Variants in PAK5 observed in about 807,000 individuals in gnomAD.
The protein encoded by PAK5 is serine/threonine-protein kinase PAK 5.
In PAK5, 16 loss-of-function variants were observed where a neutral mutation model predicts 65.9. The observed-to-expected ratio is 0.24, with a 90% CI of 0.16 to 0.37. The LOEUF (loss-of-function observed/expected upper bound fraction) is 0.37. Among genes scored for constraint, PAK5 ranks in the 10% least tolerant of loss-of-function variants. The pLI, the probability that PAK5 is intolerant of heterozygous loss-of-function variation, is 1.00. For synonymous variants in PAK5, 371 were observed against 354.9 expected, an observed-to-expected ratio of 1.05 and a Z score of -0.51; for missense variants, 785 against 903.9, an observed-to-expected ratio of 0.87 and a Z score of 1.69.
chr20:9,723,053 T>C (rs374351592), intron 1 of PAK5, among the ~76,000 whole-genome samples: 4 of 152,078 alleles, frequency 2.6e-5, no homozygotes, highest in East Asian at 3.9e-4. Flanking sequence ...ATTTTATTGG[T>C]CTTACAATAA....
chr20:9,657,978 T>C (rs1406670682), intron 2 of PAK5, among the ~76,000 whole-genome samples: 2 of 152,150 alleles, frequency 1.3e-5, no homozygotes, highest in Non-Finnish European at 2.9e-5. Context: ...GACACTAATA[T>C]CCAAATACAC....
At chr20:9,654,180 C>G (rs1198719833) in intron 2 of PAK5, among the ~76,000 whole-genome samples, 1 of 152,030 alleles carries the variant, frequency 6.6e-6, no homozygotes, top group Non-Finnish European at 1.5e-5. Context: ...TCCATGTTGG[C>G]CAGGCTGTTC....
At chr20:9,677,045 ATG>A (rs4053117) in intron 2 of PAK5, among the ~76,000 whole-genome samples, 11,697 of 141,056 alleles carry the variant, frequency 0.083, 517 homozygotes, top group Non-Finnish European at 0.11. Context: ...GGGTATGTGC[ATG>A]TGTGTGTGTG....
intron 1 of PAK5, among the ~76,000 whole-genome samples, chr20:9,798,475 A>G (rs2049131230): frequency 6.6e-6 from 1 of 152,126 alleles, no homozygotes; most frequent in Non-Finnish European, 1.5e-5. Flanking sequence ...TTCAGACACC[A>G]GCTGATTTAC....
intron 2 of PAK5, among the ~76,000 whole-genome samples, chr20:9,694,537 C>T (rs2047842856): frequency 6.6e-6 from 1 of 151,992 alleles, no homozygotes; most frequent in African/African-American, 2.4e-5. Context: ...ATGCTAGAAG[C>T]CTTCCTCAAG....
intron 6 of PAK5, among the ~76,000 whole-genome samples, chr20:9,558,798 GGGAA>G (rs2045550536): frequency 6.6e-6 from 1 of 152,166 alleles, no homozygotes; most frequent in African/African-American, 2.4e-5. Context: ...AATGGACCAT[GGGAA>G]TGAGAAACGA....
Position 9,557,642 on chromosome 20 carries a change from T to A in PAK5, c.1709A>T (p.Lys570Ile). The change falls in exon 7 of 10, where the codon AAA becomes ATA. Residue 570 changes from lysine (K) to isoleucine (I), a missense_variant. Transcript: ENST00000353224. ...GCTTGTCAGGAGGATGGAGTCACTT[T>A]TTATGTCCCTGTGAATCACTCCTTG... ...HNQGVIHRDI[K>I]SDSILLTSDG... 1 of 1,612,386 alleles carries A rather than the reference T, an allele frequency of 6.2e-7. No homozygotes were observed. The highest frequency in any genetic ancestry group is 8.5e-7 in the Non-Finnish European group (1 of 1,179,128).
At chr20:9,567,874 G>A (rs113876487) in intron 4 of PAK5, among the ~76,000 whole-genome samples, 3 of 152,314 alleles carry the variant, frequency 2.0e-5, no homozygotes, top group African/African-American at 7.2e-5. Context: ...TCTTGGATAG[G>A]GTAGTCACAG....
At chr20:9,751,005 A>G (rs936799552) in intron 1 of PAK5, among the ~76,000 whole-genome samples, 5 of 152,144 alleles carry the variant, frequency 3.3e-5, no homozygotes, top group Admixed American at 1.3e-4. Flanking sequence ...TCCCAAAACA[A>G]GTTCTCCCAG....
chr20:9,681,151 A>G (rs1264587946), intron 2 of PAK5, among the ~76,000 whole-genome samples: 1 of 152,152 alleles, frequency 6.6e-6, no homozygotes, highest in Non-Finnish European at 1.5e-5. Context: ...TTTTATCTCT[A>G]AAAATGCTTC....
At position 9,539,017 on chromosome 20, in the gene PAK5, T is replaced by C. The variant is rs1376013187; in HGVS notation, c.*445A>G. On this transcript the variant is annotated 3_prime_UTR_variant, in exon 10 of 10. Coordinates refer to ENST00000353224, the MANE Select transcript of PAK5 (RefSeq NM_177990.4). ...TTATCAAAACTATCGTACAGAAAAA[T>C]TACAAATTCGTTGCAAAATACATTA... 3.8e-5 allele frequency: 9 copies of C among 233,888 alleles called. No individual in the cohort carries two copies. Among genetic ancestry groups the C allele is most frequent in the Non-Finnish European group, 1.7e-5 (2 of 118,468 alleles). 14.5% of individuals were successfully genotyped at this position (233,888 alleles called of 1,614,324 possible).
chr20:9,544,747 A>C (rs2045318291), intron 7 of PAK5, among the ~76,000 whole-genome samples: 1 of 152,210 alleles, frequency 6.6e-6, no homozygotes, highest in South Asian at 2.1e-4. Flanking sequence ...CTTCTATAAA[A>C]TGATGGAACA....
chr20:9,749,575 GA>G (rs985304568), intron 1 of PAK5, among the ~76,000 whole-genome samples: 13 of 152,220 alleles, frequency 8.5e-5, no homozygotes, highest in African/African-American at 3.1e-4. Flanking sequence ...TGCTTGTTTT[GA>G]AATGAATGTT....
intron 3 of PAK5, among the ~76,000 whole-genome samples, chr20:9,628,794 T>C (rs1470901778): frequency 1.3e-5 from 2 of 152,210 alleles, no homozygotes; most frequent in Admixed American, 6.5e-5. Flanking sequence ...TGAGTCTCTC[T>C]ACCACAAGGT....
At chr20:9,642,391 A>G (rs1490529302) in intron 3 of PAK5, among the ~76,000 whole-genome samples, 2 of 152,186 alleles carry the variant, frequency 1.3e-5, no homozygotes, top group Admixed American at 6.5e-5. Context: ...GCTTCCATCT[A>G]GAATGTTTCT....
intron 3 of PAK5, among the ~76,000 whole-genome samples, chr20:9,614,696 A>T (rs1403522762): frequency 6.6e-6 from 1 of 152,176 alleles, no homozygotes; most frequent in Non-Finnish European, 1.5e-5. Flanking sequence ...TGAGAAAAAA[A>T]CTCCACCAGT....
chr20:9,544,893 A>G (rs981677224), intron 7 of PAK5, among the ~76,000 whole-genome samples: 1 of 152,240 alleles, frequency 6.6e-6, no homozygotes, highest in Non-Finnish European at 1.5e-5. Flanking sequence ...AATTTTGAAC[A>G]AACTGATGTA....
chr20:9,621,377 A>G (rs2046764834), intron 3 of PAK5, among the ~76,000 whole-genome samples: 1 of 150,854 alleles, frequency 6.6e-6, no homozygotes, highest in South Asian at 2.1e-4. Context: ...GCTTAAAAAA[A>G]TGTCATTAAG....
intron 2 of PAK5, among the ~76,000 whole-genome samples, chr20:9,661,420 T>C (rs2047345090): frequency 1.3e-5 from 2 of 152,256 alleles, no homozygotes; most frequent in Non-Finnish European, 2.9e-5. Flanking sequence ...TGTTTTTTTC[T>C]TCCTTTCCCT....
Sources: allele counts gnomAD v4.1 joint callset (sites outside exome capture counted in the v4.1 genomes callset), GRCh38; gene constraint gnomAD v4.1.1; transcripts MANE v1.5; gene names NCBI Gene and HGNC (gene_info 2026-07-23, HGNC 2026-07-21).